Variants in ADAM23 observed in about 807,000 individuals in gnomAD.
ADAM23 encodes the protein ADAM metallopeptidase domain 23.
A neutral mutation model predicts 120.1 loss-of-function variants in ADAM23; 33 were observed. The observed-to-expected ratio is 0.27, with a 90% confidence interval of 0.21 to 0.37. The LOEUF (loss-of-function observed/expected upper bound fraction) is 0.37. ADAM23 is among the 10% of genes least tolerant of loss of function. ADAM23 has a pLI of 1.00. For synonymous variants in ADAM23, 367 were observed against 375.2 expected, an observed-to-expected ratio of 0.98 and a Z score of 0.25; for missense variants, 862 against 1,058.2, an observed-to-expected ratio of 0.81 and a Z score of 2.57.
chr2:206,562,044 A>C (rs1697778671), intron 12 of ADAM23, among the ~76,000 whole-genome samples, 159 bp from the exon 13 acceptor site: 1 of 152,208 alleles, frequency 6.6e-6, no homozygotes, highest in Non-Finnish European at 1.5e-5. Flanking sequence ...TCTTGGGCCC[A>C]GTTGTAAAGA....
At position 206,576,781 on chromosome 2, in the gene ADAM23, A is replaced by G. The variant is rs149453745; in HGVS notation, c.1737+3586A>G. ...CTACTTATTAAACTTACGGTTTATAATAGAATAAACAATACTTACGTAATT... is the reference window on the plus strand; with the variant it reads ...CTACTTATTAAACTTACGGTTTATAGTAGAATAAACAATACTTACGTAATT... On this transcript the variant is annotated intron_variant, in intron 18 of 25. Transcript: ENST00000264377. Among the ~76,000 whole-genome samples the G allele has an allele frequency of 3.3e-3, 506 of 152,298 alleles. 2 individuals carry two copies. The highest frequency in any genetic ancestry group is 5.3e-3 in the Non-Finnish European group (359 of 68,016).
intron 4 of ADAM23, among the ~76,000 whole-genome samples, chr2:206,534,790 T>C (rs192889944): frequency 5.7e-4 from 87 of 152,280 alleles, no homozygotes; most frequent in Non-Finnish European, 1.0e-4. Context: ...CCATCCCAAC[T>C]TCCCTCTACC....
At chr2:206,611,703 T>C (rs1017927453) in intron 25 of ADAM23, among the ~76,000 whole-genome samples, 3 of 152,246 alleles carry the variant, frequency 2.0e-5, no homozygotes, top group African/African-American at 7.2e-5. Flanking sequence ...CACACTATTC[T>C]GTAGCAGGAC....
intron 7 of ADAM23, among the ~76,000 whole-genome samples, 178 bp from the exon 8 acceptor site, chr2:206,548,103 A>G (rs1697436324): frequency 6.6e-6 from 1 of 152,186 alleles, no homozygotes; most frequent in Admixed American, 6.5e-5. Flanking sequence ...TTGGGACAAA[A>G]TTACATTTGA....
At position 206,565,145 on chromosome 2, in the gene ADAM23, C is replaced by T. The variant is rs1009725800; in HGVS notation, c.1394+77C>T. The T allele has an allele frequency of 3.0e-5, 40 of 1,335,492 alleles. No individual in the cohort carries two copies. The South Asian group carries it at 3.9e-4, about 13-fold the overall frequency. 82.7% of individuals were successfully genotyped at this position (1,335,492 alleles called of 1,614,324 possible). ...GTGTAGAGTTAGAAACAAGGTCTCT[C>T]GGGTATTGGTCTTTTAGGCTAAGCA... On this transcript the variant is annotated intron_variant, in intron 14 of 25. Coordinates refer to ENST00000264377, the MANE Select transcript of ADAM23 (RefSeq NM_003812.4).
chr2:206,599,306 A>C (rs1373580846), intron 24 of ADAM23, among the ~76,000 whole-genome samples: 5 of 151,844 alleles, frequency 3.3e-5, no homozygotes. Flanking sequence ...TTGCAAAGTT[A>C]TCTATTGGTT....
chr2:206,495,186 A>G (rs940484721), intron 3 of ADAM23, among the ~76,000 whole-genome samples: 10 of 152,186 alleles, frequency 6.6e-5, no homozygotes, highest in African/African-American at 2.4e-4. Context: ...CAACTCCAAG[A>G]CACATAATTG....
In ADAM23 at chr2:206,458,370, A is replaced by C. The variant is rs116125612; in HGVS notation, c.432+12846A>C. ...AAAAAAGAAAGGAGATTTAAGGGTA[A>C]TTGTGAGACAGTTGTGGCGAGGGGT... On this transcript the variant is annotated intron_variant, in intron 2 of 25. Coordinates refer to ENST00000264377, the MANE Select transcript of ADAM23 (RefSeq NM_003812.4). 7.2e-3 allele frequency among the ~76,000 whole-genome samples: 1,092 copies of C among 152,304 alleles called. 18 individuals carry two copies. Among genetic ancestry groups the C allele is most frequent in the African/African-American group, 0.025 (1,028 of 41,560 alleles).
At chr2:206,469,926 C>T (rs1002592424) in intron 2 of ADAM23, among the ~76,000 whole-genome samples, 24 of 152,174 alleles carry the variant, frequency 1.6e-4, no homozygotes, top group Admixed American at 1.4e-3. Context: ...TCAAAGACTC[C>T]TTCTTTGACC....
chr2:206,482,884 A>G (rs1028809895), intron 3 of ADAM23, among the ~76,000 whole-genome samples: 1 of 152,134 alleles, frequency 6.6e-6, no homozygotes, highest in Non-Finnish European at 1.5e-5. Context: ...GGCATGTGAG[A>G]TAGTATATCT....
At chr2:206,507,211 T>C (rs1036347153) in intron 3 of ADAM23, among the ~76,000 whole-genome samples, 1 of 152,114 alleles carries the variant, frequency 6.6e-6, no homozygotes, top group African/African-American at 2.4e-5. Flanking sequence ...GTAGGTGATA[T>C]GGTTTGGATC....
At chr2:206,460,100 A>G (rs1380695713) in intron 2 of ADAM23, among the ~76,000 whole-genome samples, 3 of 137,160 alleles carry the variant, frequency 2.2e-5, no homozygotes, top group African/African-American at 7.7e-5. Flanking sequence ...ATCTACTCAG[A>G]ATGACTTTTT....
Position 206,445,884 on chromosome 2 carries a change from C to T in ADAM23, c.432+360C>T, listed in dbSNP as rs1230152353. On this transcript the variant is annotated intron_variant, in intron 2 of 25. Transcript: ENST00000264377. Reference sequence around the variant, plus strand: ...TTCTGCCTTGATATAAAACTGTCTCCCATGATATAAAAACTGCTTTCAATC... The same window carrying T: ...TTCTGCCTTGATATAAAACTGTCTCTCATGATATAAAAACTGCTTTCAATC... 3.9e-5 allele frequency among the ~76,000 whole-genome samples: 6 copies of T among 152,154 alleles called. 1 individual carries two copies. Among genetic ancestry groups the T allele is most frequent in the Admixed American group, 1.3e-4 (2 of 15,276 alleles).
rs141401172 is a variant in ADAM23 at position 206,507,650 on chromosome 2, A to G, written c.510-23235A>G. Among the ~76,000 whole-genome samples, 80 of 152,296 alleles carry G rather than the reference A, an allele frequency of 5.3e-4. No individual in the cohort carries two copies. In the East Asian group the frequency reaches 0.013, roughly 25 times the overall value. On this transcript the variant is annotated intron_variant, in intron 3 of 25. Transcript: ENST00000264377. ...GTACTAATACAGTAGGATTTATTGT[A>G]TGGCTTTTTCCTGCGTGCTTCATTT... is the stretch of plus-strand genomic sequence containing the variant.
intron 18 of ADAM23, among the ~76,000 whole-genome samples, chr2:206,584,160 G>A (rs924486473): frequency 3.9e-5 from 6 of 152,106 alleles, no homozygotes; most frequent in African/African-American, 7.2e-5. Context: ...GAGTCTACCC[G>A]GCTCCAGGCT....
intron 24 of ADAM23, among the ~76,000 whole-genome samples, chr2:206,601,706 A>G (rs956689442): frequency 6.6e-6 from 1 of 151,558 alleles, no homozygotes; most frequent in African/African-American, 2.4e-5. Context: ...CCCATGAGGC[A>G]GAGGTTGCAG....
intron 2 of ADAM23, among the ~76,000 whole-genome samples, chr2:206,475,808 C>T (rs1695762684): frequency 6.6e-6 from 1 of 152,120 alleles, no homozygotes; most frequent in East Asian, 1.9e-4. Flanking sequence ...ATTCTATGAC[C>T]TTTCTCCACC....
In ADAM23 at chr2:206,472,482, G is replaced by A. The variant is rs527657294; in HGVS notation, c.433-8750G>A. On this transcript the variant is annotated intron_variant, in intron 2 of 25. Transcript: ENST00000264377. ...ACAAAAATTAGCTGGGTGTATTGGC[G>A]CACACCTGTAGTCCCAGCTACTTGG... is the stretch of plus-strand genomic sequence containing the variant. Among the ~76,000 whole-genome samples, 7 of 151,872 alleles carry A rather than the reference G, an allele frequency of 4.6e-5. No homozygotes were observed. In the East Asian group the frequency reaches 1.4e-3, roughly 30 times the overall value.
At chr2:206,554,423 G>T (rs866162044) in intron 9 of ADAM23, among the ~76,000 whole-genome samples, 1 of 152,244 alleles carries the variant, frequency 6.6e-6, no homozygotes, top group Middle Eastern at 3.4e-3. Context: ...TGCATAAAGT[G>T]CATGAAAAGC....
Sources: gnomAD v4.1 joint callset for allele counts (sites outside exome capture counted in the v4.1 genomes callset) on GRCh38, gnomAD v4.1.1 for gene constraint, MANE v1.5 for transcripts, NCBI Gene and HGNC (gene_info 2026-07-23, HGNC 2026-07-21) for gene names.